The following ANKRD31 variants were observed in gnomAD, a reference collection of about 807,000 sequenced individuals.
ANKRD31 encodes ankyrin repeat domain-containing protein 31.
Under a neutral mutation model 186.0 loss-of-function variants are expected in ANKRD31, and 147 were observed. That is an observed-to-expected ratio of 0.79 (90% confidence interval 0.69 to 0.91). ANKRD31 has a LOEUF of 0.91. Among genes scored for constraint, ANKRD31 ranks in the 40% least tolerant of loss-of-function variants. The pLI is 0.00. For synonymous variants in ANKRD31, 673 were observed against 736.4 expected (o/e 0.91, Z 1.39); for missense variants, 1,986 against 2,148.8 (o/e 0.92, Z 1.50).
chr5:75,195,651 C>G lies in ANKRD31; in HGVS notation c.997G>C (p.Asp333His). Reference sequence around the variant, plus strand: ...TTCACCTCTGCTATTTGTGTACAATCTTCATTGGTCTGAGACGTATTGAAC... The same window carrying G: ...TTCACCTCTGCTATTTGTGTACAATGTTCATTGGTCTGAGACGTATTGAAC... ...VEFNTSQTNE[D>H]CTQIAETLQD... Residue 333 changes from aspartate to histidine, a missense_variant, in exon 7 of 26, where the codon GAT becomes CAT. Coordinates refer to ENST00000506364, the MANE Select transcript of ANKRD31 (RefSeq NM_001372053.1). 1 of 1,528,994 alleles carries G rather than the reference C, an allele frequency of 6.5e-7. No individual in the cohort carries two copies. Among genetic ancestry groups the G allele is most frequent in the Non-Finnish European group, 8.7e-7 (1 of 1,143,252 alleles). 94.7% of individuals were successfully genotyped at this position (1,528,994 alleles called of 1,614,324 possible). A position where few individuals can be genotyped will look rare whatever the true frequency, so the allele number is the denominator to read the frequency against.
At chr5:75,172,565 G>A (rs983179132) in intron 10 of ANKRD31, among the ~76,000 whole-genome samples, 10 of 151,976 alleles carry the variant, frequency 6.6e-5, no homozygotes, top group African/African-American at 1.4e-4. Flanking sequence ...TATCACCACC[G>A]ATCCCACAGA....
Position 75,195,830 on chromosome 5 carries a change from T to C in ANKRD31, c.818A>G (p.His273Arg), listed in dbSNP as rs1237604473. 2.0e-6 allele frequency: 3 copies of C among 1,537,192 alleles called. No individual in the cohort carries two copies. Among genetic ancestry groups the C allele is most frequent in the African/African-American group, 1.4e-5 (1 of 73,026 alleles). The stretch of plus-strand genomic sequence containing the variant: ...TTTTGCATCTTCTAGTAAATCTCTA[T>C]GACATGCCGACCAGGAATTCAAAGG... Reference protein sequence around the residue: ...SIPLNSWSACHRDLLEDAKDD... With the variant: ...SIPLNSWSACRRDLLEDAKDD... The change falls in exon 7 of 26, where the codon CAT (histidine) becomes CGT (arginine). Residue 273 changes from histidine (H) to arginine (R), a missense_variant. His to Arg is a conservative substitution (Grantham distance 29). Transcript: ENST00000506364.
intron 10 of ANKRD31, among the ~76,000 whole-genome samples, chr5:75,176,759 T>C (rs563242684): frequency 1.3e-5 from 2 of 151,860 alleles, no homozygotes; most frequent in South Asian, 2.1e-4. Context: ...AGACAAAAGG[T>C]AGATAAAACC....
chr5:75,219,926 T>G (rs561103600), intron 3 of ANKRD31, among the ~76,000 whole-genome samples: 140 of 152,326 alleles, frequency 9.2e-4, no homozygotes, highest in Non-Finnish European at 1.5e-3. Context: ...CTGGGATAAC[T>G]GGCTAGCTAT....
At chr5:75,216,072 T>C (rs1009383176) in intron 3 of ANKRD31, among the ~76,000 whole-genome samples, 2 of 152,194 alleles carry the variant, frequency 1.3e-5, no homozygotes, top group African/African-American at 4.8e-5. Flanking sequence ...AGGTATCTAT[T>C]TTTCCAATGA....
intron 7 of ANKRD31, 75 bp downstream of exon 7, chr5:75,195,556 A>G: frequency 8.0e-7 from 1 of 1,256,310 alleles, no homozygotes; most frequent in Non-Finnish European, 1.1e-6. Context: ...CCACTGAAAG[A>G]TGCTTGTCCT....
intron 17 of ANKRD31, among the ~76,000 whole-genome samples, chr5:75,132,367 G>A (rs551425827): frequency 1.2e-4 from 18 of 152,250 alleles, no homozygotes; most frequent in Admixed American, 2.6e-4. Flanking sequence ...ATTATGTGAC[G>A]CATGCACAAG....
chr5:75,078,820 T>C (rs1196273354), intron 25 of ANKRD31, among the ~76,000 whole-genome samples: 1 of 152,186 alleles, frequency 6.6e-6, no homozygotes, highest in Admixed American at 6.5e-5. Flanking sequence ...TCAGTGAGGA[T>C]TCCCTCAATA....
chr5:75,082,253 G>A (rs1455753814), intron 24 of ANKRD31, among the ~76,000 whole-genome samples: 1 of 152,184 alleles, frequency 6.6e-6, no homozygotes, highest in Admixed American at 6.5e-5. Context: ...AGTTAGGAAA[G>A]GAATGTAGTT....
intron 11 of ANKRD31, among the ~76,000 whole-genome samples, chr5:75,163,400 A>G (rs1752703672): frequency 6.6e-6 from 1 of 152,172 alleles, no homozygotes; most frequent in South Asian, 2.1e-4. Context: ...GTCTGATCTG[A>G]ACGTGTGCTA....
chr5:75,202,100 C>A (rs1014696273), intron 5 of ANKRD31, among the ~76,000 whole-genome samples: 2 of 152,220 alleles, frequency 1.3e-5, no homozygotes, highest in African/African-American at 4.8e-5. Context: ...TCTCATGTCT[C>A]CCTAAAATGT....
At chr5:75,076,159 C>T (rs1489871444) in intron 25 of ANKRD31, among the ~76,000 whole-genome samples, 1 of 152,160 alleles carries the variant, frequency 6.6e-6, no homozygotes, top group Non-Finnish European at 1.5e-5. Flanking sequence ...AATCAACTGT[C>T]CTACAATTCA....
At chr5:75,080,090 T>C (rs1182957993) in intron 25 of ANKRD31, among the ~76,000 whole-genome samples, 1 of 151,746 alleles carries the variant, frequency 6.6e-6, no homozygotes, top group Non-Finnish European at 1.5e-5. Context: ...AGAGCGAGAT[T>C]CTGTCTAAAA....
At chr5:75,104,155 T>C (rs1011155025) in intron 22 of ANKRD31, 73 bp downstream of exon 22, 2 of 1,275,946 alleles carry the variant, frequency 1.6e-6, no homozygotes, top group Admixed American at 2.8e-5. Flanking sequence ...TAAATGTCTA[T>C]ATTATGTGAC....
intron 3 of ANKRD31, among the ~76,000 whole-genome samples, chr5:75,218,664 T>TATTC (rs1757110138): frequency 6.6e-6 from 1 of 152,132 alleles, no homozygotes; most frequent in Non-Finnish European, 1.5e-5. Context: ...TTCAGGCCAA[T>TATTC]ATCCTTGATG....
chr5:75,215,287 C>T (rs1396602871), intron 3 of ANKRD31, among the ~76,000 whole-genome samples: 1 of 152,178 alleles, frequency 6.6e-6, no homozygotes, highest in East Asian at 1.9e-4. Flanking sequence ...TACTCAGGTC[C>T]ACTGACTTTA....
At chr5:75,206,554 C>T in intron 4 of ANKRD31, 67 bp from the exon 5 acceptor site, 1 of 913,356 alleles carries the variant, frequency 1.1e-6, no homozygotes, top group Non-Finnish European at 1.5e-6. Flanking sequence ...CATTCAAATA[C>T]AATTTAATTT....
intron 21 of ANKRD31, among the ~76,000 whole-genome samples, chr5:75,107,061 T>A (rs1747382331): frequency 6.6e-6 from 1 of 151,120 alleles, no homozygotes. Context: ...TGAGAAGAGG[T>A]ATATAACCAA....
At chr5:75,084,770 A>C (rs1745354418) in intron 23 of ANKRD31, among the ~76,000 whole-genome samples, 1 of 152,226 alleles carries the variant, frequency 6.6e-6, no homozygotes, top group Admixed American at 6.5e-5. Context: ...ATAACTTTAA[A>C]AATTTAATGT....
Sources: allele counts gnomAD v4.1 joint callset (sites outside exome capture counted in the v4.1 genomes callset), GRCh38; gene constraint gnomAD v4.1.1; transcripts MANE v1.5; gene names NCBI Gene and HGNC (gene_info 2026-07-23, HGNC 2026-07-21).